Variants in ITIH1 observed in about 807,000 individuals in gnomAD.
ITIH1 encodes inter-alpha-trypsin inhibitor heavy chain 1, also known as inter-alpha-trypsin inhibitor heavy chain H1.
ITIH1 carries 94 observed loss-of-function variants against 104.6 expected under a neutral mutation model. That is an observed-to-expected ratio of 0.90 (90% CI 0.76 to 1.07). The LOEUF is 1.07. ITIH1 is among the 50% of genes least tolerant of loss of function. ITIH1 has a pLI of 0.00. For missense variants in ITIH1, 1,193 were observed against 1,181.4 expected, an observed-to-expected ratio of 1.01 and a Z score of -0.14; for synonymous variants, 455 against 464.4, an observed-to-expected ratio of 0.98 and a Z score of 0.26.
At chr3:52,778,818 A>ACTGCCCATGGTGGAACTCAGGGGT in intron 3 of ITIH1, 124 bp from the exon 4 acceptor site, 1 of 1,044,542 alleles carries the variant, frequency 9.6e-7, no homozygotes, top group Non-Finnish European at 1.4e-6. Context: ...CCTGAGTTCC[A>ACTGCCCATGGTGGAACTCAGGGGT]CCATGGGCAG....
At position 52,780,279 on chromosome 3, in the gene ITIH1, A is replaced by C; in HGVS notation, c.584A>C (p.Asp195Ala). The C allele has an allele frequency of 6.2e-7, 1 of 1,612,066 alleles. No individual in the cohort carries two copies. Among genetic ancestry groups the C allele is most frequent in the Non-Finnish European group, 8.5e-7 (1 of 1,178,502 alleles). Residue 195 changes from aspartate (D) to alanine (A), a missense_variant, in exon 6 of 22, where the codon GAC becomes GCC. By Grantham distance (126) the Asp-to-Ala change is moderately radical (BLOSUM62 -2). Coordinates refer to ENST00000273283, the MANE Select transcript of ITIH1 (RefSeq NM_002215.4). ...GCTTCAATGTTGCAGATTGATGTGG[A>C]CATCTTCGAGCCCCAGGGGATCAGC... is the stretch of plus-strand genomic sequence containing the variant. ...QLVHHFEIDV[D>A]IFEPQGISKL...
chr3:52,785,244 A>G lies in ITIH1; in HGVS notation c.1593+15A>G, dbSNP rs1168216025. ...AGGCCCATGGGGTAAATGGTGGGCCATGGAGGGTGGAGAGGCCAGGCAGCA... is the reference window on the plus strand; with the variant it reads ...AGGCCCATGGGGTAAATGGTGGGCCGTGGAGGGTGGAGAGGCCAGGCAGCA... On this transcript the variant is annotated intron_variant, in intron 12 of 21. Coordinates refer to ENST00000273283, the MANE Select transcript of ITIH1 (RefSeq NM_002215.4). 1.2e-6 allele frequency: 2 copies of G among 1,612,252 alleles called. No homozygotes were observed. The highest frequency in any genetic ancestry group is 8.5e-7 in the Non-Finnish European group (1 of 1,178,764).
Position 52,791,883 on chromosome 3 carries a change from C to G in ITIH1, c.2708C>G (p.Thr903Ser). ...GCTGGACTCATCGATGGTGCCTACA[C>G]TGATTATATCGTCCCCGACATCTTC... ...NGAGLIDGAY[T>S]DYIVPDIF Residue 903 changes from threonine to serine, a missense_variant, in exon 22 of 22, where the codon ACT becomes AGT. Transcript: ENST00000273283. 3.1e-6 allele frequency: 5 copies of G among 1,613,948 alleles called. No homozygotes were observed. Among genetic ancestry groups the G allele is most frequent in the Non-Finnish European group, 4.2e-6 (5 of 1,179,882 alleles).
At chr3:52,789,409 C>T (rs1293985311) in intron 18 of ITIH1, among the ~76,000 whole-genome samples, 11 of 151,914 alleles carry the variant, frequency 7.2e-5, no homozygotes, top group South Asian at 2.1e-4. Context: ...CGGGGAGGCA[C>T]GACCTCCGTT....
rs1444184354 is a variant in ITIH1, at chr3:52,790,890, T to G, written c.2463T>G (p.His821Gln). The G allele has an allele frequency of 1.9e-6, 3 of 1,607,614 alleles. No homozygotes were observed. In the South Asian group the frequency reaches 3.3e-5, roughly 18 times the overall value. The change falls in exon 20 of 22, where the codon CAT (histidine) becomes CAG (glutamine). Residue 821 changes from histidine to glutamine, a missense_variant. His to Gln is a conservative substitution (Grantham distance 24). Coordinates refer to ENST00000273283, the MANE Select transcript of ITIH1 (RefSeq NM_002215.4). ...TGGGCTTCTATGTGCTGGACAGTCA[T>G]CGGATGTCAGCCCGGACGCACGGGC... Reference protein sequence around the residue: ...DFLGFYVLDSHRMSARTHGLL... With the variant: ...DFLGFYVLDSQRMSARTHGLL...
At chr3:52,778,094 G>C in intron 2 of ITIH1, 77 bp downstream of exon 2, 1 of 1,515,316 alleles carries the variant, frequency 6.6e-7, no homozygotes, top group Non-Finnish European at 9.2e-7. Flanking sequence ...TGTCAGGGGT[G>C]GACCCCTCTA....
At chr3:52,785,665 GAC>G (rs1699179583) in intron 12 of ITIH1, among the ~76,000 whole-genome samples, 1 of 152,214 alleles carries the variant, frequency 6.6e-6, no homozygotes, top group South Asian at 2.1e-4. Flanking sequence ...TGCCCTCCAG[GAC>G]ACAGACAACG....
chr3:52,791,984 T>C lies in ITIH1; in HGVS notation c.*73T>C. Reference sequence around the variant, plus strand: ...GGAGGACGACATCCTGACCTGCTGCTGAGGCTGTACCTCCTTGACTAAGCT... The same window carrying C: ...GGAGGACGACATCCTGACCTGCTGCCGAGGCTGTACCTCCTTGACTAAGCT... On this transcript the variant is annotated 3_prime_UTR_variant, in exon 22 of 22. Transcript: ENST00000273283. 6.6e-7 allele frequency: 1 copy of C among 1,508,854 alleles called. No individual in the cohort carries two copies. Among genetic ancestry groups the C allele is most frequent in the Non-Finnish European group, 9.0e-7 (1 of 1,111,138 alleles). 93.5% of individuals were successfully genotyped at this position (1,508,854 alleles called of 1,614,324 possible).
At chr3:52,785,303 T>G in intron 12 of ITIH1, 74 bp downstream of exon 12, 2 of 1,453,146 alleles carry the variant, frequency 1.4e-6, no homozygotes, top group Admixed American at 3.5e-5. Flanking sequence ...TGTTCCCCAT[T>G]CCTGCCATCC....
chr3:52,790,738 T>C lies in ITIH1; in HGVS notation c.2322-11T>C. 1 of 1,609,516 alleles carries C rather than the reference T, an allele frequency of 6.2e-7. No individual in the cohort carries two copies. The highest frequency in any genetic ancestry group is 8.5e-7 in the Non-Finnish European group (1 of 1,178,412). On this transcript the variant is annotated splice_polypyrimidine_tract_variant and intron_variant, in intron 19 of 21. Coordinates refer to ENST00000273283, the MANE Select transcript of ITIH1 (RefSeq NM_002215.4). The stretch of plus-strand genomic sequence containing the variant: ...AGCCGCACCTGCCCTCTCGGCCACC[T>C]GGCTCTGCAGGGTGGTGGTGACCAT...
chr3:52,783,970 G>T (rs1270191248), intron 10 of ITIH1, among the ~76,000 whole-genome samples: 1 of 152,166 alleles, frequency 6.6e-6, no homozygotes, highest in East Asian at 1.9e-4. Flanking sequence ...CGGGAACTGT[G>T]GGCATGTGCA....
intron 11 of ITIH1, 64 bp downstream of exon 11, chr3:52,784,541 G>C: frequency 6.6e-7 from 1 of 1,516,944 alleles, no homozygotes; most frequent in South Asian, 1.2e-5. Flanking sequence ...CTTGGTGGCC[G>C]TTTGCCCATC....
rs749112296 is a variant in ITIH1, at chr3:52,787,606, A to G, written c.1918A>G (p.Arg640Gly). ...DSPPLEMLGP[R>G]RTFVLSALQP... ...GTCTTCTACAGAGATGCTGGGACCCAGAAGGAGTAAGTGGCAGCCATCCTG... is the reference window on the plus strand; with the variant it reads ...GTCTTCTACAGAGATGCTGGGACCCGGAAGGAGTAAGTGGCAGCCATCCTG... Residue 640 changes from arginine to glycine, a missense_variant, in exon 16 of 22, where the codon AGA (arginine) becomes GGA (glycine). Physicochemically the swap from Arg to Gly is moderately radical, Grantham distance 125. Coordinates refer to ENST00000273283, the MANE Select transcript of ITIH1 (RefSeq NM_002215.4). 1 of 1,614,210 alleles carries G rather than the reference A, an allele frequency of 6.2e-7. No homozygotes were observed. Among genetic ancestry groups the G allele is most frequent in the South Asian group, 1.1e-5 (1 of 91,084 alleles).
chr3:52,784,165 A>G lies in ITIH1; in HGVS notation c.1226-131A>G. The G allele has an allele frequency of 1.7e-5, 13 of 764,364 alleles. 1 individual carries two copies. The South Asian group carries it at 2.2e-4, about 13-fold the overall frequency. The allele number at this position is 764,364 out of a possible 1,614,324, so 47.3% of individuals were successfully genotyped here. On this transcript the variant is annotated intron_variant, in intron 10 of 21. Coordinates refer to ENST00000273283, the MANE Select transcript of ITIH1 (RefSeq NM_002215.4). ...GAGAGCCAGGAGGACGCGATGCCTC[A>G]GGATGCCCAGGAGCCTGGAGATGCT...
At chr3:52,787,250 G>T (rs761655093) in intron 15 of ITIH1, 48 bp downstream of exon 15, 1 of 1,611,538 alleles carries the variant, frequency 6.2e-7, no homozygotes, top group African/African-American at 1.3e-5. Context: ...CGGTAGCTGG[G>T]CAGGTGGCAG....
intron 15 of ITIH1, among the ~76,000 whole-genome samples, 166 bp from the exon 16 acceptor site, chr3:52,787,426 C>G (rs991951373): frequency 6.6e-6 from 1 of 152,178 alleles, no homozygotes; most frequent in Non-Finnish European, 1.5e-5. Context: ...CCACTGGTCC[C>G]CTCTTGGTGT....
chr3:52,784,345 G>A lies in ITIH1; in HGVS notation c.1275G>A (p.Arg425=). 6.2e-7 allele frequency: 1 copy of A among 1,614,148 alleles called. No individual in the cohort carries two copies. Among genetic ancestry groups the A allele is most frequent in the East Asian group, 2.2e-5 (1 of 44,874 alleles). ...QILKNVRNAI[R]GRFPLYNLGF... ...TCAAGAACGTCCGCAACGCCATCCGGGGCAGGTTCCCGCTCTACAACCTGG... is the reference window on the plus strand; with the variant it reads ...TCAAGAACGTCCGCAACGCCATCCGAGGCAGGTTCCCGCTCTACAACCTGG... The change falls in exon 11 of 22, where the codon CGG becomes CGA. Residue 425 remains arginine (R), a synonymous_variant. Transcript: ENST00000273283.
intron 21 of ITIH1, 47 bp from the exon 22 acceptor site, chr3:52,791,735 G>T (rs762577213): frequency 6.2e-7 from 1 of 1,606,212 alleles, no homozygotes; most frequent in Non-Finnish European, 8.5e-7. Context: ...GGGAGGTGCT[G>T]CCCTACTGGT....
intron 2 of ITIH1, 50 bp from the exon 3 acceptor site, chr3:52,778,290 G>T: frequency 6.3e-7 from 1 of 1,581,614 alleles, no homozygotes; most frequent in Non-Finnish European, 8.7e-7. Context: ...GAAGTCCCTC[G>T]CTGACAGAGG....
Sources: allele counts gnomAD v4.1 joint callset (sites outside exome capture counted in the v4.1 genomes callset), GRCh38; gene constraint gnomAD v4.1.1; transcripts MANE v1.5; gene names NCBI Gene and HGNC (gene_info 2026-07-23, HGNC 2026-07-21).